The following ANKRD45 variants were observed in gnomAD, a reference collection of about 807,000 sequenced individuals.
The protein encoded by ANKRD45 is ankyrin repeat domain-containing protein 45.
A neutral mutation model predicts 28.1 loss-of-function variants in ANKRD45; 21 were observed. That is an observed-to-expected ratio of 0.75 (90% CI 0.53 to 1.08). The LOEUF is 1.08. Ranked by LOEUF, ANKRD45 falls within the 50% of genes least tolerant of loss-of-function variation. The pLI, the probability that ANKRD45 is intolerant of heterozygous loss-of-function variation, is 0.00. For missense variants in ANKRD45, 261 were observed against 308.7 expected (o/e 0.85, Z 1.16); for synonymous variants, 86 against 103.9 (o/e 0.83, Z 1.05).
chr1:173,623,299 G>T (rs1240735890), intron 5 of ANKRD45, among the ~76,000 whole-genome samples: 1 of 149,530 alleles, frequency 6.7e-6, no homozygotes, highest in Non-Finnish European at 1.5e-5. Flanking sequence ...ACAAGAGTGA[G>T]ACTCCGCCTC....
At chr1:173,682,938 TC>T in the ANKRD45 span, among the ~76,000 whole-genome samples, 1 of 124,102 alleles carries the variant, frequency 8.1e-6, no homozygotes, top group African/African-American at 5.0e-5. Context: ...ATCTTGCCTC[TC>T]TCTTTTTTTT....
At chr1:173,687,487 A>G in the ANKRD45 span, among the ~76,000 whole-genome samples, 2 of 118,286 alleles carry the variant, frequency 1.7e-5, no homozygotes, top group Non-Finnish European at 3.2e-5. Flanking sequence ...TTCTCTGAAG[A>G]TAACTATTCT....
chr1:173,655,747 G>C (rs1429308263), intron 2 of ANKRD45, among the ~76,000 whole-genome samples: 2 of 152,202 alleles, frequency 1.3e-5, no homozygotes, highest in Non-Finnish European at 2.9e-5. Context: ...CTGAGCTGTG[G>C]TGGGCTCCAC....
intron 4 of ANKRD45, among the ~76,000 whole-genome samples, chr1:173,626,136 C>T (rs550684812): frequency 2.0e-5 from 3 of 152,150 alleles, no homozygotes; most frequent in Admixed American, 6.5e-5. Context: ...GACACAAGTG[C>T]AATGTATAAC....
the ANKRD45 span, among the ~76,000 whole-genome samples, chr1:173,676,557 C>T: frequency 6.6e-6 from 1 of 151,970 alleles, no homozygotes; most frequent in African/African-American, 2.4e-5. Context: ...ATGTTACAAT[C>T]TCCAAAGTAA....
intron 2 of ANKRD45, among the ~76,000 whole-genome samples, chr1:173,654,553 G>T (rs1036912405): frequency 6.6e-6 from 1 of 152,058 alleles, no homozygotes; most frequent in Non-Finnish European, 1.5e-5. Context: ...TTCAACCTTG[G>T]TGAATCTGAC....
intron 2 of ANKRD45, among the ~76,000 whole-genome samples, chr1:173,648,816 C>T (rs1669048411): frequency 6.6e-6 from 1 of 152,198 alleles, no homozygotes; most frequent in African/African-American, 2.4e-5. Context: ...ATTTGGGTCT[C>T]TCCTTTTCCT....
At chr1:173,613,552 T>G (rs1039126000) in intron 5 of ANKRD45, among the ~76,000 whole-genome samples, 109 of 46,736 alleles carry the variant, frequency 2.3e-3, no homozygotes, top group African/African-American at 3.4e-3. Flanking sequence ...GGGAGGGAGG[T>G]GGGGGGTCAG....
intron 3 of ANKRD45, chr1:173,635,673 C>A: frequency 6.5e-7 from 1 of 1,535,632 alleles, no homozygotes; most frequent in African/African-American, 1.4e-5. Context: ...AAGGGTTCTC[C>A]ATCTCACTGC....
At chr1:173,641,252 G>A (rs1302799883) in intron 3 of ANKRD45, among the ~76,000 whole-genome samples, 1 of 152,150 alleles carries the variant, frequency 6.6e-6, no homozygotes, top group South Asian at 2.1e-4. Flanking sequence ...CGATTGTTAC[G>A]CTTGTGCACA....
intron 3 of ANKRD45, chr1:173,637,054 T>C: frequency 7.1e-7 from 1 of 1,415,678 alleles, no homozygotes; most frequent in Non-Finnish European, 9.6e-7. Flanking sequence ...CATATGCAAA[T>C]GTAGCTTAGT....
At chr1:173,647,041 TCAAA>T (rs1429222140) in intron 2 of ANKRD45, 28 bp from the exon 3 acceptor site, 7 of 1,599,390 alleles carry the variant, frequency 4.4e-6, no homozygotes, top group Non-Finnish European at 8.6e-7. Context: ...GATGGTGAGA[TCAAA>T]CAGACTACAT....
the ANKRD45 span, among the ~76,000 whole-genome samples, chr1:173,694,895 A>G: frequency 6.6e-6 from 1 of 152,138 alleles, no homozygotes; most frequent in Non-Finnish European, 1.5e-5. Context: ...TATTATTTTT[A>G]TTAGGAAATT....
intron 3 of ANKRD45, among the ~76,000 whole-genome samples, chr1:173,632,953 C>T (rs1668259387): frequency 2.0e-5 from 3 of 151,864 alleles, no homozygotes; most frequent in Non-Finnish European, 4.4e-5. Context: ...ACAAGAATGC[C>T]CACTTTCACC....
intron 5 of ANKRD45, among the ~76,000 whole-genome samples, chr1:173,613,151 T>C (rs1219085328): frequency 6.7e-6 from 1 of 148,976 alleles, no homozygotes; most frequent in South Asian, 2.1e-4. Context: ...GTGAGGAGCG[T>C]CTCTGCCCAG....
the ANKRD45 span, among the ~76,000 whole-genome samples, chr1:173,681,794 G>A: frequency 6.6e-6 from 1 of 152,132 alleles, no homozygotes; most frequent in Non-Finnish European, 1.5e-5. Context: ...GCTCATACCT[G>A]TAATCCTAGC....
Position 173,622,752 on chromosome 1 carries a change from G to A in ANKRD45, c.730+2035C>T, listed in dbSNP as rs572705998. Among the ~76,000 whole-genome samples, 70 of 152,090 alleles carry A rather than the reference G, an allele frequency of 4.6e-4. 1 individual carries two copies. Among genetic ancestry groups the A allele is most frequent in the Non-Finnish European group, 7.6e-4 (52 of 68,030 alleles). ...CATTCAGGACATAGGTGCAGGCAAC[G>A]ATTTCATGAGTAAAACACCAAAAGC... On this transcript the variant is annotated intron_variant, in intron 5 of 5. Transcript: ENST00000333279.
At chr1:173,714,387 T>G in the ANKRD45 span, among the ~76,000 whole-genome samples, 1 of 152,194 alleles carries the variant, frequency 6.6e-6, no homozygotes, top group South Asian at 2.1e-4. Flanking sequence ...CCACAGAAGA[T>G]GTGTTTGGTG....
At chr1:173,712,599 A>G in the ANKRD45 span, among the ~76,000 whole-genome samples, 1 of 152,228 alleles carries the variant, frequency 6.6e-6, no homozygotes, top group Non-Finnish European at 1.5e-5. Context: ...ATAGCATACA[A>G]CCCAGCAATT....
Sources: allele counts gnomAD v4.1 joint callset (sites outside exome capture counted in the v4.1 genomes callset), GRCh38; gene constraint gnomAD v4.1.1; transcripts MANE v1.5; gene names NCBI Gene and HGNC (gene_info 2026-07-23, HGNC 2026-07-21).